ITGAV: variants seen among roughly 807,000 people sequenced by gnomAD.
ITGAV encodes integrin subunit alpha V.
Under a neutral mutation model 143.8 loss-of-function variants are expected in ITGAV, and 76 were observed. The observed-to-expected ratio is 0.53, with a 90% confidence interval of 0.44 to 0.64. The LOEUF (loss-of-function observed/expected upper bound fraction) is 0.64. Ranked by LOEUF, ITGAV falls within the 30% of genes least tolerant of loss-of-function variation. The pLI is 0.00. For synonymous variants in ITGAV, 453 were observed against 446.7 expected (o/e 1.01, Z -0.18); for missense variants, 1,193 against 1,274.7 (o/e 0.94, Z 0.98).
chr2:186,641,236 A>G, intron 11 of ITGAV, 150 bp from the exon 12 acceptor site: 1 of 642,706 alleles, frequency 1.6e-6, no homozygotes, highest in African/African-American at 1.8e-5. Flanking sequence ...GAAGTTTCAA[A>G]TTTGAAATGA....
At chr2:186,672,053 G>A (rs998229777) in intron 26 of ITGAV, among the ~76,000 whole-genome samples, 2 of 149,426 alleles carry the variant, frequency 1.3e-5, no homozygotes, top group East Asian at 2.0e-4. Context: ...CCGGGTTCAC[G>A]CCATTCTCCT....
intron 18 of ITGAV, among the ~76,000 whole-genome samples, 187 bp downstream of exon 18, chr2:186,659,362 C>T (rs1688679035): frequency 6.6e-6 from 1 of 150,562 alleles, no homozygotes; most frequent in South Asian, 2.1e-4. Flanking sequence ...TCTGAATTTT[C>T]AAGTCAGAGA....
rs566266075 is a variant in ITGAV, at chr2:186,620,841, C to T, written c.317-1498C>T. On this transcript the variant is annotated intron_variant, in intron 2 of 29. Transcript: ENST00000261023. ...ATACTACACAACAATGAAAATGATACTATAGGTCTGCCTTTATAAGTGCCA... is the reference window on the plus strand; with the variant it reads ...ATACTACACAACAATGAAAATGATATTATAGGTCTGCCTTTATAAGTGCCA... Among the ~76,000 whole-genome samples, 7 of 152,140 alleles carry T rather than the reference C, an allele frequency of 4.6e-5. 1 individual carries two copies. Among genetic ancestry groups the T allele is most frequent in the African/African-American group, 1.7e-4 (7 of 41,478 alleles).
chr2:186,597,334 T>G (rs1686774382), intron 1 of ITGAV, among the ~76,000 whole-genome samples: 1 of 152,200 alleles, frequency 6.6e-6, no homozygotes. Flanking sequence ...ACAAGGAAAT[T>G]GTTTTAAGGG....
At chr2:186,603,862 C>CTT (rs869096962) in intron 2 of ITGAV, among the ~76,000 whole-genome samples, 7 of 143,382 alleles carry the variant, frequency 4.9e-5, no homozygotes, top group Middle Eastern at 3.7e-3. Context: ...GAAGCAATCA[C>CTT]TTTTTTTTTT....
intron 13 of ITGAV, among the ~76,000 whole-genome samples, chr2:186,648,766 T>A (rs1182720832): frequency 6.6e-6 from 1 of 152,128 alleles, no homozygotes; most frequent in African/African-American, 2.4e-5. Context: ...GTGCTGGGAT[T>A]ACAGGCATGA....
chr2:186,647,003 C>G, intron 13 of ITGAV, 126 bp downstream of exon 13: 1 of 672,194 alleles, frequency 1.5e-6, no homozygotes. Context: ...GATCAAACCT[C>G]TAAAATATTC....
chr2:186,669,735 C>T lies in ITGAV; in HGVS notation c.2627C>T (p.Thr876Met), dbSNP rs368269954. 51 of 1,613,850 alleles carry T rather than the reference C, an allele frequency of 3.2e-5. No homozygotes were observed. Among genetic ancestry groups the T allele is most frequent in the South Asian group, 8.8e-5 (8 of 91,052 alleles). Reference sequence around the variant, plus strand: ...TTGCAAACAACTGAAAAGAATGACACGGTTGCCGGGCAAGGTGAGCGGGAC... The same window carrying T: ...TTGCAAACAACTGAAAAGAATGACATGGTTGCCGGGCAAGGTGAGCGGGAC... Reference protein sequence around the residue: ...SSLQTTEKNDTVAGQGERDHL... With the variant: ...SSLQTTEKNDMVAGQGERDHL... The change falls in exon 26 of 30, where the codon ACG becomes ATG. Residue 876 changes from threonine (T) to methionine (M), a missense_variant. Physicochemically the swap from Thr to Met is moderately conservative, Grantham distance 81. Transcript: ENST00000261023.
intron 26 of ITGAV, among the ~76,000 whole-genome samples, chr2:186,670,446 G>A (rs545294333): frequency 1.3e-5 from 2 of 152,088 alleles, no homozygotes; most frequent in South Asian, 4.2e-4. Flanking sequence ...GACTATAGGC[G>A]CTCTCCCCCA....
chr2:186,629,998 A>G (rs2105696151), intron 4 of ITGAV, among the ~76,000 whole-genome samples: 1 of 152,272 alleles, frequency 6.6e-6, no homozygotes, highest in African/African-American at 2.4e-5. Context: ...ACAAAAGAGT[A>G]CAACTATTGA....
At chr2:186,676,629 A>G (rs1468064673) in intron 28 of ITGAV, among the ~76,000 whole-genome samples, 184 bp from the exon 29 acceptor site, 6 of 152,178 alleles carry the variant, frequency 3.9e-5, no homozygotes, top group East Asian at 1.9e-4. Flanking sequence ...AAGTCAGCCT[A>G]TCATTGGGAG....
At chr2:186,633,951 C>A (rs896924813) in intron 6 of ITGAV, among the ~76,000 whole-genome samples, 5 of 151,984 alleles carry the variant, frequency 3.3e-5, no homozygotes, top group African/African-American at 1.2e-4. Flanking sequence ...TCACTTGAAC[C>A]CAGGAGGAGG....
chr2:186,621,353 G>A (rs1185169004), intron 2 of ITGAV, among the ~76,000 whole-genome samples: 1 of 151,998 alleles, frequency 6.6e-6, no homozygotes, highest in African/African-American at 2.4e-5. Flanking sequence ...CTAAAAACTA[G>A]GACATTTTCT....
At chr2:186,639,527 A>G (rs900144659) in intron 10 of ITGAV, among the ~76,000 whole-genome samples, 2 of 152,144 alleles carry the variant, frequency 1.3e-5, no homozygotes, top group South Asian at 2.1e-4. Context: ...TCTGGTGACC[A>G]TGTATGAGTC....
At chr2:186,655,597 C>A (rs139855105) in intron 16 of ITGAV, among the ~76,000 whole-genome samples, 1 of 152,138 alleles carries the variant, frequency 6.6e-6, no homozygotes, top group Non-Finnish European at 1.5e-5. Context: ...GAGAAACTTG[C>A]GACGCGAATT....
chr2:186,610,197 G>A (rs759636490), intron 2 of ITGAV, among the ~76,000 whole-genome samples: 27 of 152,048 alleles, frequency 1.8e-4, no homozygotes, highest in Non-Finnish European at 3.2e-4. Flanking sequence ...TAAAAAATGT[G>A]GAGTTTCATG....
rs200813988 is a variant in ITGAV, at chr2:186,678,710, A to G, written c.*1418A>G. 2.2e-6 allele frequency: 1 copy of G among 455,714 alleles called. No individual in the cohort carries two copies. The highest frequency in any genetic ancestry group is 1.6e-5 in the South Asian group (1 of 64,446). 28.2% of individuals were successfully genotyped at this position (455,714 alleles called of 1,614,324 possible). On this transcript the variant is annotated 3_prime_UTR_variant, in exon 30 of 30. Coordinates refer to ENST00000261023, the MANE Select transcript of ITGAV (RefSeq NM_002210.5). ...ATTCACAGTTCCTCAAGGCCTGGGG[A>G]TGATGATCAGTTATACCTATTTTTG...
At chr2:186,608,675 G>A (rs1476096024) in intron 2 of ITGAV, among the ~76,000 whole-genome samples, 1 of 151,770 alleles carries the variant, frequency 6.6e-6, no homozygotes, top group African/African-American at 2.4e-5. Context: ...TAGACTATAA[G>A]CTATCTAAAG....
intron 15 of ITGAV, among the ~76,000 whole-genome samples, chr2:186,652,924 A>T (rs564319986): frequency 4.5e-5 from 6 of 134,294 alleles, no homozygotes; most frequent in South Asian, 2.4e-4. Flanking sequence ...CTCTATTTTC[A>T]TTATAGATTT....
Sources: allele counts gnomAD v4.1 joint callset (sites outside exome capture counted in the v4.1 genomes callset), GRCh38; gene constraint gnomAD v4.1.1; transcripts MANE v1.5; gene names NCBI Gene and HGNC (gene_info 2026-07-23, HGNC 2026-07-21).